CHCHD3: variants seen among roughly 807,000 people sequenced by gnomAD.
CHCHD3 encodes the protein MICOS complex subunit MIC19.
A neutral mutation model predicts 38.2 loss-of-function variants in CHCHD3; 20 were observed. The observed-to-expected ratio is 0.52, with a 90% CI of 0.37 to 0.76. CHCHD3 has a LOEUF of 0.76. Among genes scored for constraint, CHCHD3 ranks in the 30% least tolerant of loss-of-function variants. The pLI is 0.00. For synonymous variants in CHCHD3, 82 were observed against 100.0 expected, an observed-to-expected ratio of 0.82 and a Z score of 1.07; for missense variants, 245 against 279.2, an observed-to-expected ratio of 0.88 and a Z score of 0.87.
chr7:133,001,699 G>C (rs545212374), intron 3 of CHCHD3, among the ~76,000 whole-genome samples: 2 of 151,996 alleles, frequency 1.3e-5, no homozygotes, highest in African/African-American at 4.8e-5. Context: ...TCAACAAAGA[G>C]ATCTTTTACA....
At position 132,966,308 on chromosome 7, in the gene CHCHD3, T is replaced by C. The variant is rs898640332; in HGVS notation, c.369+8861A>G. ...AAAGAGTGAGCAAGAAAATGTCCAATGTCTTTATGGGTAAGGGAATAGTTA... is the reference window on the plus strand; with the variant it reads ...AAAGAGTGAGCAAGAAAATGTCCAACGTCTTTATGGGTAAGGGAATAGTTA... On this transcript the variant is annotated intron_variant, in intron 4 of 7. Transcript: ENST00000262570. Among the ~76,000 whole-genome samples, 5 of 152,200 alleles carry C rather than the reference T, an allele frequency of 3.3e-5. 1 individual carries two copies. Among genetic ancestry groups the C allele is most frequent in the Admixed American group, 2.6e-4 (4 of 15,284 alleles).
At chr7:132,976,689 C>G (rs747667679) in intron 3 of CHCHD3, among the ~76,000 whole-genome samples, 1 of 152,034 alleles carries the variant, frequency 6.6e-6, no homozygotes, top group African/African-American at 2.4e-5. Context: ...CTACTTTATA[C>G]GTGTGAATGA....
chr7:133,065,490 T>C (rs754284559), intron 2 of CHCHD3, among the ~76,000 whole-genome samples: 30 of 152,164 alleles, frequency 2.0e-4, no homozygotes, highest in Non-Finnish European at 3.2e-4. Context: ...TATTCACACA[T>C]ATGAATAGCC....
chr7:132,806,196 C>G (rs1806915910), intron 6 of CHCHD3, among the ~76,000 whole-genome samples: 1 of 152,070 alleles, frequency 6.6e-6, no homozygotes. Flanking sequence ...AGAAGACAGT[C>G]AAAAAGAAGG....
intron 4 of CHCHD3, among the ~76,000 whole-genome samples, chr7:132,945,298 A>G (rs748671326): frequency 2.6e-5 from 4 of 151,990 alleles, no homozygotes; most frequent in Non-Finnish European, 4.4e-5. Context: ...TTAATTAAAT[A>G]AATGTGAAAA....
intron 5 of CHCHD3, among the ~76,000 whole-genome samples, chr7:132,861,416 T>G (rs1433020222): frequency 3.3e-5 from 5 of 152,210 alleles, no homozygotes; most frequent in African/African-American, 1.2e-4. Flanking sequence ...TTTTGGCTCA[T>G]TTTGTTCTCT....
chr7:133,041,662 T>A (rs575166356), intron 2 of CHCHD3, among the ~76,000 whole-genome samples: 1 of 152,214 alleles, frequency 6.6e-6, no homozygotes, highest in Non-Finnish European at 1.5e-5. Flanking sequence ...AGGTTTTCTT[T>A]TATTCAAAAT....
At chr7:132,834,457 A>G (rs981010130) in intron 6 of CHCHD3, among the ~76,000 whole-genome samples, 1 of 152,186 alleles carries the variant, frequency 6.6e-6, no homozygotes, top group Non-Finnish European at 1.5e-5. Flanking sequence ...TGTGCAATGG[A>G]GTTAGTCAAA....
chr7:132,795,204 C>A (rs746176119), intron 7 of CHCHD3, among the ~76,000 whole-genome samples: 2 of 152,194 alleles, frequency 1.3e-5, no homozygotes, highest in Non-Finnish European at 2.9e-5. Context: ...GCACTATTAT[C>A]AAGTTAGAAA....
At chr7:133,001,184 T>G (rs531516590) in intron 3 of CHCHD3, among the ~76,000 whole-genome samples, 2 of 152,290 alleles carry the variant, frequency 1.3e-5, no homozygotes, top group African/African-American at 4.8e-5. Flanking sequence ...TAAATGAGAA[T>G]TCTTAAAATT....
intron 2 of CHCHD3, among the ~76,000 whole-genome samples, chr7:133,032,690 T>C (rs1407995058): frequency 2.6e-5 from 4 of 152,154 alleles, no homozygotes; most frequent in African/African-American, 9.7e-5. Flanking sequence ...AGTTTAGACA[T>C]CTTAAGTAGA....
intron 6 of CHCHD3, among the ~76,000 whole-genome samples, chr7:132,818,603 A>C (rs1454457853): frequency 6.6e-6 from 1 of 152,214 alleles, no homozygotes; most frequent in East Asian, 1.9e-4. Context: ...ATAGACAGTT[A>C]CCTGACTTGA....
chr7:132,903,934 C>T (rs1381072067), intron 4 of CHCHD3, among the ~76,000 whole-genome samples: 6 of 152,202 alleles, frequency 3.9e-5, no homozygotes, highest in Non-Finnish European at 7.3e-5. Context: ...ACATGAGTGA[C>T]GTCTGATGCC....
intron 2 of CHCHD3, among the ~76,000 whole-genome samples, chr7:133,063,659 A>G (rs1814585553): frequency 6.6e-6 from 1 of 152,246 alleles, no homozygotes; most frequent in Non-Finnish European, 1.5e-5. Context: ...ATTGGATATA[A>G]AAATATCAAT....
intron 3 of CHCHD3, among the ~76,000 whole-genome samples, chr7:133,019,040 C>A (rs1363050385): frequency 1.3e-5 from 2 of 151,956 alleles, no homozygotes; most frequent in East Asian, 3.9e-4. Context: ...TGTGCCACCA[C>A]ACCCAGCTAA....
At chr7:132,984,743 C>G (rs1812041893) in intron 3 of CHCHD3, among the ~76,000 whole-genome samples, 1 of 149,938 alleles carries the variant, frequency 6.7e-6, no homozygotes, top group Admixed American at 6.6e-5. Context: ...GACCCTCTGC[C>G]TGGCAACCGG....
chr7:132,876,604 C>T (rs1359845164), intron 5 of CHCHD3, among the ~76,000 whole-genome samples: 1 of 152,166 alleles, frequency 6.6e-6, no homozygotes, highest in East Asian at 1.9e-4. Context: ...CATCTCAGCA[C>T]TTATGATCAT....
chr7:133,055,621 T>C (rs1480214347), intron 2 of CHCHD3, among the ~76,000 whole-genome samples: 1 of 148,012 alleles, frequency 6.8e-6, no homozygotes, highest in Non-Finnish European at 1.5e-5. Flanking sequence ...AATTATAACA[T>C]GTGTTATACA....
Position 132,788,517 on chromosome 7 carries a change from C to T in CHCHD3, c.661-2857G>A, listed in dbSNP as rs1438230773. ...AAGCAACAGTTAAAGAGTGTTTTCA[C>T]GAGTCTAGAGATTGTTTTTACTATT... On this transcript the variant is annotated intron_variant, in intron 7 of 7. Coordinates refer to ENST00000262570, the MANE Select transcript of CHCHD3 (RefSeq NM_017812.4). This position sits in a 1 kb window ranked among gnomAD's most constrained non-coding sequence, Gnocchi z 4.0. 6.6e-6 allele frequency among the ~76,000 whole-genome samples: 1 copy of T among 152,162 alleles called. No homozygotes were observed. The highest frequency in any genetic ancestry group is 1.5e-5 in the Non-Finnish European group (1 of 68,026).
Sources: allele counts gnomAD v4.1 joint callset (sites outside exome capture counted in the v4.1 genomes callset), GRCh38; gene constraint gnomAD v4.1.1; non-coding constraint Gnocchi (gnomAD v3.1); transcripts MANE v1.5; gene names NCBI Gene and HGNC (gene_info 2026-07-23, HGNC 2026-07-21).